The following TASP1 variants were observed in gnomAD, a reference collection of about 807,000 sequenced individuals.
TASP1 encodes the protein taspase 1, also known as threonine aspartase 1.
Under a neutral mutation model 56.6 loss-of-function variants are expected in TASP1, and 16 were observed. The observed-to-expected ratio is 0.28, with a 90% CI of 0.19 to 0.43. The LOEUF is 0.43. TASP1 is among the 20% of genes least tolerant of loss of function. The pLI is 1.00. For synonymous variants in TASP1, 179 were observed against 184.2 expected, an observed-to-expected ratio of 0.97 and a Z score of 0.23; for missense variants, 393 against 511.6, an observed-to-expected ratio of 0.77 and a Z score of 2.24.
chr20:13,629,571 A>G lies in TASP1; in HGVS notation c.145+363T>C, dbSNP rs113198128. Among the ~76,000 whole-genome samples, 95 of 151,988 alleles carry G rather than the reference A, an allele frequency of 6.3e-4. 1 individual carries two copies. Among genetic ancestry groups the G allele is most frequent in the African/African-American group, 2.2e-3 (92 of 41,476 alleles). On this transcript the variant is annotated intron_variant, in intron 2 of 13. Transcript: ENST00000337743. ...ACTGCAACCTCCACCTCCTGGGTTC[A>G]AGCAATTCTCCTGCCTCAGCCTCCC...
chr20:13,174,989 C>T, the TASP1 span, among the ~76,000 whole-genome samples: 1 of 152,080 alleles, frequency 6.6e-6, no homozygotes, highest in Non-Finnish European at 1.5e-5. Flanking sequence ...AGCTGTCTTG[C>T]CTGCCGCCGT....
At chr20:13,165,276 A>C in the TASP1 span, 1 of 164,546 alleles carries the variant, frequency 6.1e-6, no homozygotes, top group Admixed American at 5.7e-5. Context: ...GATGTAAGTG[A>C]GTGTGGTGGA....
At chr20:13,299,184 T>C in the TASP1 span, 1 of 1,606,752 alleles carries the variant, frequency 6.2e-7, no homozygotes, top group African/African-American at 1.3e-5. The surrounding 1 kb of genome is among the most constrained non-coding windows in gnomAD (Gnocchi z 5.8). Context: ...CTCCATGCTG[T>C]CCCTGGAGAG....
the TASP1 span, among the ~76,000 whole-genome samples, chr20:13,228,044 C>T: frequency 6.7e-6 from 1 of 148,242 alleles, no homozygotes; most frequent in Non-Finnish European, 1.5e-5. Context: ...GTGATCTCAG[C>T]TCACTGCAAC....
chr20:13,437,806 C>A (rs184569822), intron 11 of TASP1, among the ~76,000 whole-genome samples: 4 of 152,160 alleles, frequency 2.6e-5, no homozygotes, highest in East Asian at 1.9e-4. Context: ...TTACAAGGGA[C>A]GTGAAGGACC....
rs747647681 is a variant in TASP1 at position 13,559,047 on chromosome 20, A to C, written c.636T>G (p.Asp212Glu). 6.3e-7 allele frequency: 1 copy of C among 1,597,038 alleles called. No individual in the cohort carries two copies. The highest frequency in any genetic ancestry group is 2.3e-5 in the East Asian group (1 of 43,982). The change falls in exon 8 of 14, where the codon GAT becomes GAG. Residue 212 changes from aspartate (D) to glutamate (E), a missense_variant. By Grantham distance (45) the Asp-to-Glu change is conservative (BLOSUM62 2). Around this residue, in one of 3 missense-constraint regions of TASP1, gnomAD observed 293 missense variants for 354.2 expected, o/e 0.83. Transcript: ENST00000337743. Reference sequence around the variant, plus strand: ...GTCTTCTTTTCTTTAGTTGCATAAAATCTGTGTCCACCCTTTCTGCCAGCT... The same window carrying C: ...GTCTTCTTTTCTTTAGTTGCATAAACTCTGTGTCCACCCTTTCTGCCAGCT... ...KLELAERVDT[D>E]FMQLKKRRQS...
intron 4 of TASP1, among the ~76,000 whole-genome samples, chr20:13,605,393 G>C (rs910415413): frequency 1.3e-5 from 2 of 152,148 alleles, no homozygotes; most frequent in African/African-American, 4.8e-5. Context: ...AAACTAATCA[G>C]CCTATATACT....
chr20:13,423,802 TGATTACC>T (rs2042528164), intron 12 of TASP1, among the ~76,000 whole-genome samples: 1 of 152,170 alleles, frequency 6.6e-6, no homozygotes, highest in Admixed American at 6.5e-5. Context: ...CTAAAAATCT[TGATTACC>T]CTGTTAACCT....
At chr20:13,456,798 T>A (rs2043856431) in intron 11 of TASP1, among the ~76,000 whole-genome samples, 1 of 151,216 alleles carries the variant, frequency 6.6e-6, no homozygotes, top group South Asian at 2.1e-4. Context: ...AAAAATAAAA[T>A]AATAAAATAA....
intron 4 of TASP1, among the ~76,000 whole-genome samples, chr20:13,605,646 T>A (rs1439753731): frequency 1.3e-5 from 2 of 151,894 alleles, no homozygotes; most frequent in Non-Finnish European, 2.9e-5. Flanking sequence ...ACCACTGCGC[T>A]CCAGCCTGGG....
chr20:13,253,754 A>G, the TASP1 span, among the ~76,000 whole-genome samples: 1 of 152,104 alleles, frequency 6.6e-6, no homozygotes. Flanking sequence ...ATAACTCAGT[A>G]TCATTATCAG....
Position 13,390,045 on chromosome 20 carries a change from G to T in TASP1, c.*315C>A. 4.2e-6 allele frequency: 1 copy of T among 239,574 alleles called. No individual in the cohort carries two copies. The highest frequency in any genetic ancestry group is 8.3e-6 in the Non-Finnish European group (1 of 121,068). The allele number at this position is 239,574 out of a possible 1,614,324, so 14.8% of individuals were successfully genotyped here. On this transcript the variant is annotated 3_prime_UTR_variant, in exon 14 of 14. Coordinates refer to ENST00000337743, the MANE Select transcript of TASP1 (RefSeq NM_017714.3). ...TGTAAACAGTTAAAGCACACATTTTGTAAAGATGATTTAACCATTCCTGGT... is the reference window on the plus strand; with the variant it reads ...TGTAAACAGTTAAAGCACACATTTTTTAAAGATGATTTAACCATTCCTGGT...
rs1315672400 is a variant in TASP1 at position 13,629,040 on chromosome 20, T to C, written c.145+894A>G. 2.0e-5 allele frequency among the ~76,000 whole-genome samples: 3 copies of C among 152,162 alleles called. No homozygotes were observed. The East Asian group carries it at 5.8e-4, about 29-fold the overall frequency. ...GTCTGAAGTCTCTTAAGTCACTTAA[T>C]CTCTCTGGTCTTAAGGTTCCTCACT... On this transcript the variant is annotated intron_variant, in intron 2 of 13. Transcript: ENST00000337743.
chr20:13,346,813 T>C, the TASP1 span, among the ~76,000 whole-genome samples: 5 of 152,196 alleles, frequency 3.3e-5, no homozygotes, highest in Non-Finnish European at 7.4e-5. Flanking sequence ...TACATATAAT[T>C]TGGGGCCCCT....
chr20:13,136,714 T>C, the TASP1 span, among the ~76,000 whole-genome samples: 49 of 147,572 alleles, frequency 3.3e-4, no homozygotes, highest in South Asian at 0.01. Flanking sequence ...TATATTTATA[T>C]ATAATATATA....
intron 10 of TASP1, among the ~76,000 whole-genome samples, chr20:13,520,498 A>C (rs2044705251): frequency 6.6e-6 from 1 of 152,188 alleles, no homozygotes; most frequent in African/African-American, 2.4e-5. Flanking sequence ...TCTTTGACAA[A>C]CCTGACAAAA....
At chr20:13,283,032 GT>G in the TASP1 span, among the ~76,000 whole-genome samples, 1 of 152,022 alleles carries the variant, frequency 6.6e-6, no homozygotes, top group East Asian at 1.9e-4. Context: ...TTTTCTTTCT[GT>G]TTTTTTATTT....
At chr20:13,132,242 T>C in the TASP1 span, among the ~76,000 whole-genome samples, 6 of 144,368 alleles carry the variant, frequency 4.2e-5, no homozygotes, top group African/African-American at 1.5e-4. Context: ...AGTGGTGCCA[T>C]CTCGGCTCAC....
At chr20:13,562,856 A>G (rs368542353) in intron 7 of TASP1, among the ~76,000 whole-genome samples, 1 of 150,092 alleles carries the variant, frequency 6.7e-6, no homozygotes, top group African/African-American at 2.4e-5. Context: ...CAGCCTGGTC[A>G]AGAGCAAGAC....
Sources: allele counts gnomAD v4.1 joint callset (sites outside exome capture counted in the v4.1 genomes callset), GRCh38; gene constraint gnomAD v4.1.1; regional missense constraint gnomAD v4.1.1; non-coding constraint Gnocchi (gnomAD v3.1); transcripts MANE v1.5; gene names NCBI Gene and HGNC (gene_info 2026-07-23, HGNC 2026-07-21).